The following SPIRE1 variants were observed in gnomAD, a reference collection of about 807,000 sequenced individuals.
The protein encoded by SPIRE1 is protein spire homolog 1.
SPIRE1 carries 40 observed loss-of-function variants against 94.1 expected under a neutral mutation model. That is an observed-to-expected ratio of 0.43 (90% CI 0.33 to 0.55). SPIRE1 has a LOEUF of 0.55. Among genes scored for constraint, SPIRE1 ranks in the 20% least tolerant of loss-of-function variants. SPIRE1 has a pLI of 0.06. For missense variants in SPIRE1, 838 were observed against 975.2 expected (o/e 0.86, Z 1.87); for synonymous variants, 376 against 371.7 (o/e 1.01, Z -0.13).
intron 2 of SPIRE1, among the ~76,000 whole-genome samples, chr18:12,573,659 ATG>A (rs922760885): frequency 2.0e-5 from 3 of 152,226 alleles, no homozygotes; most frequent in Non-Finnish European, 4.4e-5. Context: ...AATGATGGAC[ATG>A]TGTCATCATA....
At chr18:12,577,354 A>T (rs1048504479) in intron 2 of SPIRE1, among the ~76,000 whole-genome samples, 7 of 152,016 alleles carry the variant, frequency 4.6e-5, no homozygotes, top group African/African-American at 4.8e-5. Flanking sequence ...TCACCATGTT[A>T]GCCAGAATGG....
At chr18:12,566,481 T>C (rs34609495) in intron 2 of SPIRE1, among the ~76,000 whole-genome samples, 2,995 of 152,332 alleles carry the variant, frequency 0.02, 83 homozygotes, top group African/African-American at 0.068. Flanking sequence ...TTATTCTTAA[T>C]TGGTCTAATA....
intron 2 of SPIRE1, among the ~76,000 whole-genome samples, chr18:12,601,737 T>C (rs2036840426): frequency 1.3e-5 from 2 of 152,168 alleles, no homozygotes; most frequent in Admixed American, 1.3e-4. Flanking sequence ...AACGTGGCCT[T>C]TGTCTCTGGA....
Position 12,466,333 on chromosome 18 carries a change from G to A in SPIRE1, c.1405-1375C>T, listed in dbSNP as rs1340376316. On this transcript the variant is annotated intron_variant, in intron 10 of 16. Coordinates refer to ENST00000409402, the MANE Select transcript of SPIRE1 (RefSeq NM_001128626.2). The stretch of plus-strand genomic sequence containing the variant: ...ACTCTGTTGCCCAGGCTGGAGTGCA[G>A]TGGCATGATCTCAGCTCACTGCGAC... Among the ~76,000 whole-genome samples, 3 of 152,182 alleles carry A rather than the reference G, an allele frequency of 2.0e-5. No individual in the cohort carries two copies. In the East Asian group the frequency reaches 5.8e-4, roughly 30 times the overall value.
At chr18:12,558,494 G>A (rs1169614963) in intron 2 of SPIRE1, among the ~76,000 whole-genome samples, 1 of 152,222 alleles carries the variant, frequency 6.6e-6, no homozygotes, top group African/African-American at 2.4e-5. Flanking sequence ...TGCCACTGCT[G>A]TCTTGGGCAG....
At chr18:12,607,883 G>A (rs868809867) in intron 2 of SPIRE1, among the ~76,000 whole-genome samples, 18 of 152,032 alleles carry the variant, frequency 1.2e-4, no homozygotes, top group African/African-American at 3.6e-4. Flanking sequence ...ACGGCCGGGC[G>A]TGGTGGCTCA....
At chr18:12,616,511 A>C (rs2037312314) in intron 2 of SPIRE1, among the ~76,000 whole-genome samples, 1 of 152,236 alleles carries the variant, frequency 6.6e-6, no homozygotes, top group African/African-American at 2.4e-5. Flanking sequence ...GAGCAGCCAC[A>C]AGAGAAGAGA....
intron 2 of SPIRE1, among the ~76,000 whole-genome samples, chr18:12,604,994 C>T (rs1220149192): frequency 6.6e-6 from 1 of 151,724 alleles, no homozygotes; most frequent in East Asian, 1.9e-4. Context: ...TAAGCAGTCA[C>T]AAAAGGATAG....
chr18:12,552,438 G>C (rs2035378560), intron 2 of SPIRE1, among the ~76,000 whole-genome samples: 2 of 152,114 alleles, frequency 1.3e-5, no homozygotes, highest in African/African-American at 4.8e-5. Context: ...TTGCATATTG[G>C]ATACCAGCTT....
chr18:12,491,527 T>C (rs1027930141), intron 8 of SPIRE1, among the ~76,000 whole-genome samples: 1 of 152,164 alleles, frequency 6.6e-6, no homozygotes, highest in African/African-American at 2.4e-5. Context: ...TTCCATGGAA[T>C]CTTGGTTCAC....
intron 2 of SPIRE1, among the ~76,000 whole-genome samples, chr18:12,557,145 C>T (rs562421228): frequency 5.6e-4 from 85 of 152,308 alleles, no homozygotes; most frequent in Middle Eastern, 6.8e-3. Flanking sequence ...GCCACACGCC[C>T]GCACTCCTCA....
chr18:12,499,117 A>C (rs2033566758), intron 6 of SPIRE1, among the ~76,000 whole-genome samples: 1 of 152,170 alleles, frequency 6.6e-6, no homozygotes, highest in Non-Finnish European at 1.5e-5. Flanking sequence ...ATAAGACCAC[A>C]GCTAATAATC....
chr18:12,480,489 C>G (rs1243797273), intron 9 of SPIRE1, among the ~76,000 whole-genome samples: 1 of 152,124 alleles, frequency 6.6e-6, no homozygotes, highest in Non-Finnish European at 1.5e-5. Flanking sequence ...TATCTAATCT[C>G]CTTTCATCTG....
At chr18:12,557,725 T>C (rs947894526) in intron 2 of SPIRE1, among the ~76,000 whole-genome samples, 31 of 150,630 alleles carry the variant, frequency 2.1e-4, no homozygotes, top group African/African-American at 7.5e-4. Context: ...TATATATATA[T>C]ATATATAAAA....
At chr18:12,584,426 T>A (rs2036337927) in intron 2 of SPIRE1, among the ~76,000 whole-genome samples, 1 of 149,956 alleles carries the variant, frequency 6.7e-6, no homozygotes, top group East Asian at 2.0e-4. Flanking sequence ...CAAAACTCCA[T>A]CTCAAGAAAA....
intron 1 of SPIRE1, among the ~76,000 whole-genome samples, chr18:12,638,139 A>G (rs918591753): frequency 5.3e-5 from 8 of 152,148 alleles, no homozygotes; most frequent in African/African-American, 1.9e-4. Context: ...TGCTCAATCC[A>G]TTCATTTTAT....
intron 12 of SPIRE1, among the ~76,000 whole-genome samples, chr18:12,455,266 T>A (rs926064496): frequency 2.6e-5 from 4 of 152,162 alleles, no homozygotes. Context: ...TCATTTGTGG[T>A]ACCCAGAATA....
intron 16 of SPIRE1, chr18:12,451,007 G>T (rs770018412): frequency 1.1e-5 from 6 of 547,748 alleles, no homozygotes; most frequent in African/African-American, 2.0e-5. Context: ...AGATGAACAA[G>T]ATGAAAAGGA....
rs1406003025 is a variant in SPIRE1, at chr18:12,479,685, A to G, written c.1404+14T>C. ...CTCATCTTGGGAGTCAAGCTGGGTG[A>G]ACTGGGGCCTCACCTCAGACTCAGA... On this transcript the variant is annotated intron_variant, in intron 10 of 16. Coordinates refer to ENST00000409402, the MANE Select transcript of SPIRE1 (RefSeq NM_001128626.2). 2 of 1,591,620 alleles carry G rather than the reference A, an allele frequency of 1.3e-6. No individual in the cohort carries two copies. Among genetic ancestry groups the G allele is most frequent in the African/African-American group, 2.7e-5 (2 of 73,860 alleles).
Sources: allele counts gnomAD v4.1 joint callset (sites outside exome capture counted in the v4.1 genomes callset), GRCh38; gene constraint gnomAD v4.1.1; transcripts MANE v1.5; gene names NCBI Gene and HGNC (gene_info 2026-07-23, HGNC 2026-07-21).